LDAF1: variants seen among roughly 807,000 people sequenced by gnomAD.
LDAF1 encodes lipid droplet assembly factor 1, also known as PROMETHIN.
Under a neutral mutation model 13.5 loss-of-function variants are expected in LDAF1, and 7 were observed. The ratio of observed to expected loss-of-function variants is 0.52; its 90% confidence interval spans 0.29 to 0.97. The LOEUF is 0.97. Among genes scored for constraint, LDAF1 ranks in the 50% least tolerant of loss-of-function variants. The probability of loss-of-function intolerance (pLI) is 0.07; values close to 1 mark genes in which losing one functional copy is unlikely to be tolerated. For missense variants in LDAF1, 148 were observed against 193.2 expected, an observed-to-expected ratio of 0.77 and a Z score of 1.39; for synonymous variants, 69 against 77.1, an observed-to-expected ratio of 0.89 and a Z score of 0.55.
chr16:21,161,672 TTTTGGTTTTG>T (rs1205633130), intron 2 of LDAF1, among the ~76,000 whole-genome samples: 1 of 152,206 alleles, frequency 6.6e-6, no homozygotes, highest in Non-Finnish European at 1.5e-5. Context: ...ATCATCCTTT[TTTTGGTTTTG>T]TTTGGTTTTG....
intron 2 of LDAF1, among the ~76,000 whole-genome samples, chr16:21,168,806 TTA>T (rs1213102806): frequency 1.5e-5 from 2 of 132,594 alleles, no homozygotes; most frequent in African/African-American, 5.7e-5. Context: ...AATTATATTT[TTA>T]TATAAAATTA....
At chr16:21,163,721 AT>A (rs1181253120) in intron 2 of LDAF1, among the ~76,000 whole-genome samples, 1 of 152,220 alleles carries the variant, frequency 6.6e-6, no homozygotes, top group Non-Finnish European at 1.5e-5. Flanking sequence ...GAGGAGGCAA[AT>A]TTACAAATAT....
chr16:21,178,163 C>G (rs1454503643), intron 4 of LDAF1: 3 of 968,072 alleles, frequency 3.1e-6, no homozygotes, highest in African/African-American at 1.8e-5. Context: ...ACTGACCTGC[C>G]TCCTATGTAG....
At chr16:21,178,265 C>T (rs1444107958) in intron 4 of LDAF1, 1 of 985,192 alleles carries the variant, frequency 1.0e-6, no homozygotes, top group Non-Finnish European at 1.2e-6. Flanking sequence ...AGTAGGGGCC[C>T]TGGGCAGCTG....
At chr16:21,171,488 T>C (rs1372268562) in intron 3 of LDAF1, among the ~76,000 whole-genome samples, 2 of 152,002 alleles carry the variant, frequency 1.3e-5, no homozygotes, top group Non-Finnish European at 2.9e-5. Flanking sequence ...TTTGAGTAAA[T>C]GTTGATAGAT....
At chr16:21,165,197 A>C (rs2093012097) in intron 2 of LDAF1, among the ~76,000 whole-genome samples, 1 of 152,220 alleles carries the variant, frequency 6.6e-6, no homozygotes, top group Non-Finnish European at 1.5e-5. Flanking sequence ...ATGGTGGCTG[A>C]TGCTTATAAT....
At chr16:21,176,886 C>G (rs2093143147) in intron 4 of LDAF1, among the ~76,000 whole-genome samples, 1 of 146,588 alleles carries the variant, frequency 6.8e-6, no homozygotes, top group Non-Finnish European at 1.5e-5. Context: ...GGTGACAGAG[C>G]TAGACTCTGT....
At chr16:21,176,070 A>G (rs2093136126) in intron 4 of LDAF1, among the ~76,000 whole-genome samples, 1 of 152,132 alleles carries the variant, frequency 6.6e-6, no homozygotes, top group African/African-American at 2.4e-5. Context: ...TAAAAGGAGA[A>G]ATATTGGCCT....
chr16:21,176,005 A>G (rs911418248), intron 4 of LDAF1, among the ~76,000 whole-genome samples: 1 of 152,092 alleles, frequency 6.6e-6, no homozygotes, highest in Non-Finnish European at 1.5e-5. Flanking sequence ...TTGGCCTCTC[A>G]ATGAACTGGA....
At chr16:21,164,390 G>A (rs2093005328) in intron 2 of LDAF1, among the ~76,000 whole-genome samples, 2 of 152,140 alleles carry the variant, frequency 1.3e-5, no homozygotes, top group Admixed American at 6.6e-5. Flanking sequence ...GACTACAGGT[G>A]CACACCAGCA....
At chr16:21,179,327 C>A (rs2093163950) in intron 4 of LDAF1, 148 bp from the exon 5 acceptor site, 3 of 1,520,062 alleles carry the variant, frequency 2.0e-6, no homozygotes, top group Admixed American at 2.0e-5. Context: ...TCAGTTTCTT[C>A]ATCTGTATAA....
chr16:21,179,345 A>C (rs2093164202), intron 4 of LDAF1, 130 bp from the exon 5 acceptor site: 1 of 1,565,330 alleles, frequency 6.4e-7, no homozygotes, highest in Non-Finnish European at 8.6e-7. Flanking sequence ...TAATGGACAT[A>C]GGCCTGGTGT....
chr16:21,162,049 G>A (rs1325863145), intron 2 of LDAF1, among the ~76,000 whole-genome samples: 2 of 151,962 alleles, frequency 1.3e-5, no homozygotes, highest in Non-Finnish European at 2.9e-5. Context: ...CCAGCTACTC[G>A]GGAGGCTGAG....
chr16:21,178,118 A>G (rs1202849679), intron 4 of LDAF1: 1 of 759,676 alleles, frequency 1.3e-6, no homozygotes, highest in Non-Finnish European at 1.6e-6. Flanking sequence ...TCCCTTACAT[A>G]TGAAACCCAA....
intron 2 of LDAF1, among the ~76,000 whole-genome samples, chr16:21,165,786 T>C (rs1391652219): frequency 6.6e-6 from 1 of 152,190 alleles, no homozygotes; most frequent in Non-Finnish European, 1.5e-5. Flanking sequence ...AGAAATATTA[T>C]GTGAGCCACA....
intron 2 of LDAF1, among the ~76,000 whole-genome samples, chr16:21,166,509 C>T (rs577825074): frequency 2.0e-5 from 3 of 152,304 alleles, no homozygotes; most frequent in East Asian, 1.9e-4. Context: ...TGCTGAATGG[C>T]GCAGGTGGCC....
chr16:21,159,399 G>A (rs750828186), intron 1 of LDAF1: 1 of 1,614,120 alleles, frequency 6.2e-7, no homozygotes, highest in South Asian at 1.1e-5. Context: ...CCCGGATGGG[G>A]AGGGGCGGCC....
intron 1 of LDAF1, chr16:21,159,292 CTG>C (rs2092934464): frequency 1.9e-6 from 3 of 1,574,646 alleles, no homozygotes; most frequent in Non-Finnish European, 1.7e-6. Flanking sequence ...TATTCAGTCT[CTG>C]TGCCTTCTGG....
In LDAF1 at chr16:21,161,138, C is replaced by T; in HGVS notation, c.-45C>T. 6.2e-7 allele frequency: 1 copy of T among 1,607,592 alleles called. No individual in the cohort carries two copies. Among genetic ancestry groups the T allele is most frequent in the South Asian group, 1.1e-5 (1 of 89,994 alleles). On this transcript the variant is annotated 5_prime_UTR_variant, in exon 2 of 5. Coordinates refer to ENST00000233047, the MANE Select transcript of LDAF1 (RefSeq NM_001301771.2). ...ACCGCGGGCTGCACTGGAGAATTTA[C>T]TGGTAGGATAATTCATCCCTAAAGA...
Sources: allele counts gnomAD v4.1 joint callset (sites outside exome capture counted in the v4.1 genomes callset), GRCh38; gene constraint gnomAD v4.1.1; transcripts MANE v1.5; gene names NCBI Gene and HGNC (gene_info 2026-07-23, HGNC 2026-07-21).